Variants in NAALADL2 observed in about 807,000 individuals in gnomAD.
NAALADL2 encodes N-acetylated alpha-linked acidic dipeptidase like 2.
In NAALADL2, 76 loss-of-function variants were observed where a neutral mutation model predicts 87.2. That is an observed-to-expected ratio of 0.87 (90% CI 0.72 to 1.05). The LOEUF is 1.05. Ranked by LOEUF, NAALADL2 falls within the 50% of genes least tolerant of loss-of-function variation. The probability of loss-of-function intolerance (pLI) is 0.00; values close to 1 mark genes in which losing one functional copy is unlikely to be tolerated. For synonymous variants in NAALADL2, 354 were observed against 331.0 expected, an observed-to-expected ratio of 1.07 and a Z score of -0.75; for missense variants, 1,089 against 945.8, an observed-to-expected ratio of 1.15 and a Z score of -1.99.
At chr3:174,869,615 C>G (rs139969384) in intron 1 of NAALADL2, among the ~76,000 whole-genome samples, 3 of 152,046 alleles carry the variant, frequency 2.0e-5, no homozygotes, top group Admixed American at 1.3e-4. Flanking sequence ...GGCTAAGAGT[C>G]AAGATGGAGC....
chr3:175,281,158 TTTAAA>T (rs1754260210), intron 4 of NAALADL2, among the ~76,000 whole-genome samples: 2 of 151,284 alleles, frequency 1.3e-5, no homozygotes, highest in Non-Finnish European at 3.0e-5. Context: ...TTGTCACTTA[TTTAAA>T]TTAACTCAAT....
intron 2 of NAALADL2, among the ~76,000 whole-genome samples, chr3:175,171,250 T>C (rs191814221): frequency 1.4e-4 from 22 of 152,152 alleles, no homozygotes; most frequent in Admixed American, 5.9e-4. Context: ...CAGTGTATAC[T>C]GGACACTGAA....
chr3:175,430,962 TA>T (rs1407442088), intron 5 of NAALADL2, among the ~76,000 whole-genome samples: 1 of 152,102 alleles, frequency 6.6e-6, no homozygotes, highest in Non-Finnish European at 1.5e-5. Flanking sequence ...ATCTCATTGA[TA>T]TTTTTATTGA....
upstream of NAALADL2, among the ~76,000 whole-genome samples, chr3:174,855,309 G>A (rs1044795531): frequency 1.1e-4 from 16 of 152,084 alleles, no homozygotes; most frequent in African/African-American, 2.9e-4. Context: ...TTTTGGCTTC[G>A]TTATAATCTT....
chr3:175,056,494 G>A (rs150583892), intron 1 of NAALADL2, among the ~76,000 whole-genome samples: 1,536 of 152,130 alleles, frequency 0.01, 25 homozygotes, highest in African/African-American at 0.035. Flanking sequence ...GAGCCCCCAC[G>A]TATGGGTGCC....
At chr3:175,343,034 T>A (rs2148845486) in intron 5 of NAALADL2, among the ~76,000 whole-genome samples, 1 of 152,198 alleles carries the variant, frequency 6.6e-6, no homozygotes, top group East Asian at 1.9e-4. Flanking sequence ...GCATAAAAAA[T>A]TCTGAGTAGT....
chr3:174,910,165 CAT>C (rs61002031), intron 1 of NAALADL2, among the ~76,000 whole-genome samples: 87 of 151,094 alleles, frequency 5.8e-4, no homozygotes, highest in South Asian at 1.3e-3. Context: ...AGTTTATATA[CAT>C]ATATATATAT....
intron 1 of NAALADL2, among the ~76,000 whole-genome samples, chr3:174,976,327 G>A (rs1291130147): frequency 6.6e-6 from 1 of 152,046 alleles, no homozygotes; most frequent in Non-Finnish European, 1.5e-5. Context: ...TCATAGTATT[G>A]AACTTATATG....
Position 174,604,652 on chromosome 3 carries a change from C to T in NAALADL2, c.-115+54015C>T, listed in dbSNP as rs190596594. Among the ~76,000 whole-genome samples the T allele has an allele frequency of 2.0e-5, 3 of 151,078 alleles. No individual in the cohort carries two copies. In the East Asian group the frequency reaches 5.8e-4, roughly 29 times the overall value. ...TGTGTGTGTGTGTGTATGTGGTGTT[C>T]TCTTCTTTCCTTTCTTCCTTTCTTC... On this transcript the variant is annotated intron_variant, in intron 2 of 3. Transcript: ENST00000434257.
chr3:174,754,766 T>C (rs1186019), intron 3 of NAALADL2, among the ~76,000 whole-genome samples: 1 of 152,190 alleles, frequency 6.6e-6, no homozygotes, highest in South Asian at 2.1e-4. Flanking sequence ...TCTATAATTG[T>C]GGTTTTTAAT....
chr3:175,562,445 A>G (rs1716419344), intron 9 of NAALADL2, among the ~76,000 whole-genome samples: 1 of 151,926 alleles, frequency 6.6e-6, no homozygotes, highest in Admixed American at 6.6e-5. Flanking sequence ...ATGTTAGATC[A>G]CTACTGTTTT....
At chr3:175,557,757 T>C (rs902643264) in intron 9 of NAALADL2, among the ~76,000 whole-genome samples, 2 of 152,166 alleles carry the variant, frequency 1.3e-5, no homozygotes, top group Non-Finnish European at 2.9e-5. Flanking sequence ...AGCATTTGTT[T>C]TTGCCTGACT....
chr3:174,720,374 A>G (rs1340825282), intron 2 of NAALADL2, among the ~76,000 whole-genome samples: 1 of 152,172 alleles, frequency 6.6e-6, no homozygotes, highest in Non-Finnish European at 1.5e-5. Context: ...GTAATAACTA[A>G]TTTATTTTGC....
chr3:175,602,085 G>GT (rs1011112348), intron 10 of NAALADL2, among the ~76,000 whole-genome samples: 11 of 151,998 alleles, frequency 7.2e-5, no homozygotes, highest in African/African-American at 2.7e-4. Flanking sequence ...TGTGTAGGGA[G>GT]TTTTTCCAGC....
At chr3:175,717,448 T>C (rs1741465681) in intron 11 of NAALADL2, among the ~76,000 whole-genome samples, 2 of 152,008 alleles carry the variant, frequency 1.3e-5, no homozygotes, top group South Asian at 4.2e-4. Context: ...TCCCAGCACT[T>C]TGGGAGGCCG....
intron 3 of NAALADL2, among the ~76,000 whole-genome samples, chr3:174,757,074 T>C (rs1353538112): frequency 2.6e-5 from 4 of 152,214 alleles, no homozygotes; most frequent in Non-Finnish European, 4.4e-5. Context: ...TATCTGCCTT[T>C]CCTTCTAGAC....
chr3:174,874,597 C>T (rs535283486), intron 1 of NAALADL2, among the ~76,000 whole-genome samples: 6 of 152,104 alleles, frequency 3.9e-5, no homozygotes, highest in Admixed American at 6.5e-5. Flanking sequence ...GCAATCTATA[C>T]GTGTGTAAAA....
chr3:174,822,689 G>A (rs1283895241), intron 3 of NAALADL2, among the ~76,000 whole-genome samples: 3 of 152,136 alleles, frequency 2.0e-5, no homozygotes, highest in Non-Finnish European at 4.4e-5. Flanking sequence ...TGCATTTTGG[G>A]TATAGGGAAA....
intron 1 of NAALADL2, among the ~76,000 whole-genome samples, chr3:175,058,354 T>C (rs1025169709): frequency 1.3e-5 from 2 of 152,204 alleles, no homozygotes; most frequent in African/African-American, 4.8e-5. Flanking sequence ...TGTCAAATAT[T>C]TATTGGTTAT....
Sources: allele counts gnomAD v4.1 joint callset (sites outside exome capture counted in the v4.1 genomes callset), GRCh38; gene constraint gnomAD v4.1.1; transcripts MANE v1.5; gene names NCBI Gene and HGNC (gene_info 2026-07-23, HGNC 2026-07-21).